Variants in CADM1 observed in about 807,000 individuals in gnomAD.
CADM1 encodes the protein TSLC-1.
In CADM1, 15 loss-of-function variants were observed where a neutral mutation model predicts 53.1. The ratio of observed to expected loss-of-function variants is 0.28; its 90% CI spans 0.19 to 0.44. The LOEUF is 0.44. Among genes scored for constraint, CADM1 ranks in the 20% least tolerant of loss-of-function variants. The pLI is 1.00. For missense variants in CADM1, 434 were observed against 611.3 expected, an observed-to-expected ratio of 0.71 and a Z score of 3.06; for synonymous variants, 281 against 243.0, an observed-to-expected ratio of 1.16 and a Z score of -1.45.
At chr11:115,320,919 T>C (rs982544115) in intron 1 of CADM1, among the ~76,000 whole-genome samples, 2 of 152,170 alleles carry the variant, frequency 1.3e-5, no homozygotes, top group Non-Finnish European at 2.9e-5. Context: ...CCAAATCTAG[T>C]CTTCCTTTGT....
intron 1 of CADM1, among the ~76,000 whole-genome samples, chr11:115,335,221 A>G (rs567749553): frequency 1.3e-5 from 2 of 152,280 alleles, no homozygotes; most frequent in Admixed American, 1.3e-4. Flanking sequence ...AAAACTGATA[A>G]TATTTTTTAA....
chr11:115,266,587 A>C (rs955234130), intron 1 of CADM1, among the ~76,000 whole-genome samples: 1 of 152,232 alleles, frequency 6.6e-6, no homozygotes, highest in African/African-American at 2.4e-5. Context: ...GCCAGCCAAC[A>C]AATAGCAATC....
At chr11:115,406,653 A>T (rs1418236493) in intron 1 of CADM1, among the ~76,000 whole-genome samples, 1 of 150,250 alleles carries the variant, frequency 6.7e-6, no homozygotes, top group Non-Finnish European at 1.5e-5. Flanking sequence ...TTTGTATGTT[A>T]AGAAGTGATA....
intron 8 of CADM1, among the ~76,000 whole-genome samples, chr11:115,205,995 T>C (rs913896815): frequency 1.3e-4 from 20 of 152,210 alleles, no homozygotes; most frequent in Non-Finnish European, 1.5e-5. Flanking sequence ...GAAATCCATC[T>C]GAGACACCTA....
rs1591571304 is a variant in CADM1, at chr11:115,172,695, T to C, written c.*3779A>G. The C allele has an allele frequency of 6.7e-6, 1 of 149,342 alleles. No individual in the cohort carries two copies. The highest frequency in any genetic ancestry group is 2.5e-5 in the African/African-American group (1 of 40,802). 9.3% of individuals were successfully genotyped at this position (149,342 alleles called of 1,614,324 possible). ...TCTGCATCCCTCACCATGCTGGACA[T>C]ACAGCAGGTGCTCAATAACTGCATA... is the stretch of plus-strand genomic sequence containing the variant. On this transcript the variant is annotated 3_prime_UTR_variant, in exon 12 of 12. Transcript: ENST00000331581.
intron 1 of CADM1, among the ~76,000 whole-genome samples, chr11:115,385,325 G>C (rs896436094): frequency 6.6e-6 from 1 of 152,128 alleles, no homozygotes; most frequent in Non-Finnish European, 1.5e-5. Flanking sequence ...AGGATTTGCT[G>C]CTCCTGAGTA....
intron 1 of CADM1, among the ~76,000 whole-genome samples, chr11:115,438,385 G>A (rs1475553573): frequency 6.6e-6 from 1 of 151,996 alleles, no homozygotes; most frequent in Non-Finnish European, 1.5e-5. Context: ...CATCTACCTT[G>A]TGCGCACACT....
chr11:115,178,477 GGTTTT>G (rs1003634394), intron 11 of CADM1, among the ~76,000 whole-genome samples, 162 bp downstream of exon 11: 14 of 150,648 alleles, frequency 9.3e-5, no homozygotes, highest in African/African-American at 2.4e-4. Flanking sequence ...TAAGATTTCT[GGTTTT>G]GTTTTTTTTT....
rs1164270334 is a variant in CADM1 at position 115,175,379 on chromosome 11, A to G, written c.*1095T>C. 1 of 981,166 alleles carries G rather than the reference A, an allele frequency of 1.0e-6. No homozygotes were observed. Among genetic ancestry groups the G allele is most frequent in the Non-Finnish European group, 1.2e-6 (1 of 825,782 alleles). 60.8% of individuals were successfully genotyped at this position (981,166 alleles called of 1,614,324 possible). A position where few individuals can be genotyped will look rare whatever the true frequency, so the allele number is the denominator to read the frequency against. On this transcript the variant is annotated 3_prime_UTR_variant, in exon 12 of 12. Coordinates refer to ENST00000331581, the MANE Select transcript of CADM1 (RefSeq NM_001301043.2). The stretch of plus-strand genomic sequence containing the variant: ...CCTTCCTAACTAAGCACAAAGGAAA[A>G]AAAAAAAAAAATCAACTCTGTCCCA...
At chr11:115,301,972 T>C (rs1440440890) in intron 1 of CADM1, among the ~76,000 whole-genome samples, 2 of 152,010 alleles carry the variant, frequency 1.3e-5, no homozygotes, top group African/African-American at 2.4e-5. Context: ...CTGTATAATT[T>C]TGAAAATGAA....
chr11:115,299,535 T>C (rs970452236), intron 1 of CADM1, among the ~76,000 whole-genome samples: 4 of 152,140 alleles, frequency 2.6e-5, no homozygotes, highest in African/African-American at 7.2e-5. Context: ...ATACGCATCA[T>C]GGTGGAAAGA....
chr11:115,305,675 A>G (rs1944344920), intron 1 of CADM1, among the ~76,000 whole-genome samples: 2 of 151,984 alleles, frequency 1.3e-5, no homozygotes, highest in South Asian at 4.2e-4. Flanking sequence ...TTCTGCAGCT[A>G]ATAGGGAACT....
chr11:115,238,279 A>AG (rs1010701160), intron 3 of CADM1, among the ~76,000 whole-genome samples: 1 of 152,216 alleles, frequency 6.6e-6, no homozygotes, highest in Admixed American at 6.5e-5. Context: ...CTGAAGCTTG[A>AG]GGGTTGAAAC....
At chr11:115,328,741 T>TGTGTATATGTATGTATATAC (rs1346949654) in intron 1 of CADM1, among the ~76,000 whole-genome samples, 1 of 56,054 alleles carries the variant, frequency 1.8e-5, no homozygotes, top group African/African-American at 6.0e-5. Context: ...TACATATATA[T>TGTGTATATGTATGTATATAC]ATATATAGAA....
chr11:115,442,069 T>A (rs760930510), intron 1 of CADM1, among the ~76,000 whole-genome samples: 1 of 151,552 alleles, frequency 6.6e-6, no homozygotes, highest in East Asian at 1.9e-4. Context: ...ATATGGTATA[T>A]AAAAAGTACA....
intron 1 of CADM1, among the ~76,000 whole-genome samples, chr11:115,283,982 G>T (rs561346754): frequency 1.3e-5 from 2 of 152,096 alleles, no homozygotes; most frequent in Non-Finnish European, 2.9e-5. Flanking sequence ...TAAGGGATCG[G>T]GTCCTAGACT....
chr11:115,487,057 G>T (rs2135419973), intron 1 of CADM1, among the ~76,000 whole-genome samples: 1 of 152,320 alleles, frequency 6.6e-6, no homozygotes, highest in South Asian at 2.1e-4. Context: ...CTACGGCTTT[G>T]GTCTTAGCCC....
At chr11:115,344,166 G>T (rs1480323812) in intron 1 of CADM1, among the ~76,000 whole-genome samples, 1 of 66 alleles carries the variant, frequency 0.015, no homozygotes, top group Non-Finnish European at 0.031. Flanking sequence ...TATGGACACA[G>T]AATTCAAGTT....
chr11:115,209,661 G>C lies in CADM1; in HGVS notation c.995-4C>G. The C allele has an allele frequency of 1.9e-6, 3 of 1,611,056 alleles. No homozygotes were observed. Among genetic ancestry groups the C allele is most frequent in the Non-Finnish European group, 2.5e-6 (3 of 1,179,160 alleles). On this transcript the variant is annotated splice_region_variant and splice_polypyrimidine_tract_variant and intron_variant, in intron 7 of 11. Transcript: ENST00000331581. ...GGAGGGATAGTTGTGGGGGGATCTG[G>C]ATAGAAAAAAAAAGGAAAATCAAAC...
Sources: allele counts gnomAD v4.1 joint callset (sites outside exome capture counted in the v4.1 genomes callset), GRCh38; gene constraint gnomAD v4.1.1; transcripts MANE v1.5; gene names NCBI Gene and HGNC (gene_info 2026-07-23, HGNC 2026-07-21).